The following CLPB variants were observed in gnomAD, a reference collection of about 807,000 sequenced individuals.
CLPB encodes mitochondrial disaggregase.
In CLPB, 40 loss-of-function variants were observed where a neutral mutation model predicts 78.4. That is an observed-to-expected ratio of 0.51 (90% CI 0.40 to 0.66). The LOEUF is 0.66. CLPB is among the 30% of genes least tolerant of loss of function. CLPB has a pLI of 0.00. For missense variants in CLPB, 780 were observed against 886.9 expected, an observed-to-expected ratio of 0.88 and a Z score of 1.53; for synonymous variants, 333 against 348.0, an observed-to-expected ratio of 0.96 and a Z score of 0.48.
At chr11:72,397,112 C>T (rs367858231) in intron 3 of CLPB, among the ~76,000 whole-genome samples, 7 of 152,204 alleles carry the variant, frequency 4.6e-5, no homozygotes, top group Non-Finnish European at 8.8e-5. Context: ...CTGATTTCTG[C>T]CCCTAAAGTT....
At chr11:72,416,305 T>C (rs1856019702) in intron 2 of CLPB, among the ~76,000 whole-genome samples, 1 of 152,210 alleles carries the variant, frequency 6.6e-6, no homozygotes, top group South Asian at 2.1e-4. Context: ...TGTGAAGCCC[T>C]AACTTTTCAC....
At chr11:72,402,215 C>T (rs552840180) in intron 3 of CLPB, among the ~76,000 whole-genome samples, 4 of 152,236 alleles carry the variant, frequency 2.6e-5, no homozygotes, top group Admixed American at 6.5e-5. Flanking sequence ...AGCCATAGAT[C>T]GTACCACTGC....
chr11:72,295,483 C>T lies in CLPB; in HGVS notation c.1486+9G>A. On this transcript the variant is annotated intron_variant, in intron 12 of 15. Coordinates refer to ENST00000538039, the MANE Select transcript of CLPB (RefSeq NM_001258392.3). ...CACTGGACCAGACTGCTCAGGTCAG[C>T]CGCCATACCCAGGTTTTCGGCAATA... is the stretch of plus-strand genomic sequence containing the variant. 3.7e-6 allele frequency: 6 copies of T among 1,613,202 alleles called. No homozygotes were observed. Among genetic ancestry groups the T allele is most frequent in the Non-Finnish European group, 5.1e-6 (6 of 1,179,344 alleles).
intron 3 of CLPB, among the ~76,000 whole-genome samples, chr11:72,392,854 G>A (rs1348393553): frequency 2.0e-5 from 3 of 152,168 alleles, no homozygotes; most frequent in African/African-American, 7.2e-5. Flanking sequence ...CCTAAACCAC[G>A]TTGGCTCTCA....
intron 6 of CLPB, among the ~76,000 whole-genome samples, chr11:72,320,663 C>G (rs1950027842): frequency 6.6e-6 from 1 of 152,164 alleles, no homozygotes; most frequent in South Asian, 2.1e-4. Flanking sequence ...ATGCTTAGCA[C>G]AGAGTTTGTG....
At chr11:72,322,830 T>A (rs769031553) in intron 6 of CLPB, among the ~76,000 whole-genome samples, 10 of 152,202 alleles carry the variant, frequency 6.6e-5, no homozygotes, top group Non-Finnish European at 1.0e-4. Flanking sequence ...CTGTTACTCC[T>A]CAAACTTCAA....
intron 2 of CLPB, among the ~76,000 whole-genome samples, chr11:72,416,053 G>A (rs1856012953): frequency 6.6e-6 from 1 of 152,204 alleles, no homozygotes; most frequent in Non-Finnish European, 1.5e-5. Context: ...ACAGAGCTGG[G>A]ACCAAGTGAG....
chr11:72,308,460 G>T, intron 8 of CLPB, 67 bp downstream of exon 8: 1 of 1,410,164 alleles, frequency 7.1e-7, no homozygotes, highest in Non-Finnish European at 1.0e-6. Flanking sequence ...AGCAGCTGGG[G>T]CTGTCAGACT....
intron 6 of CLPB, among the ~76,000 whole-genome samples, 159 bp downstream of exon 6, chr11:72,329,548 T>C (rs1950185282): frequency 6.6e-6 from 1 of 152,190 alleles, no homozygotes; most frequent in Non-Finnish European, 1.5e-5. Flanking sequence ...AAACAGATAA[T>C]AATCAACAGA....
chr11:72,348,510 A>G (rs1229985448), intron 5 of CLPB, among the ~76,000 whole-genome samples: 1 of 152,070 alleles, frequency 6.6e-6, no homozygotes, highest in African/African-American at 2.4e-5. Context: ...CCTCACCTGA[A>G]AAGCTTCCTT....
intron 4 of CLPB, among the ~76,000 whole-genome samples, chr11:72,371,616 A>G (rs1165383932): frequency 6.6e-6 from 1 of 151,574 alleles, no homozygotes; most frequent in East Asian, 1.9e-4. Context: ...GGGGTCTCAC[A>G]ATGTTGCCCA....
rs1463602370 is a variant in CLPB at position 72,292,944 on chromosome 11, A to G, written c.*423T>C. 5.9e-6 allele frequency: 1 copy of G among 169,732 alleles called. No homozygotes were observed. The highest frequency in any genetic ancestry group is 1.3e-5 in the Non-Finnish European group (1 of 77,318). 10.5% of individuals were successfully genotyped at this position (169,732 alleles called of 1,614,324 possible). A position where few individuals can be genotyped will look rare whatever the true frequency, so the allele number is the denominator to read the frequency against. ...ATTCTGGGGACTGAGTTGCATGAGG[A>G]CTAGCAGAGGGTGGCAGTTCAGTCT... On this transcript the variant is annotated 3_prime_UTR_variant, in exon 16 of 16. Transcript: ENST00000538039.
chr11:72,425,551 T>C (rs1278117841), intron 2 of CLPB, among the ~76,000 whole-genome samples: 1 of 152,204 alleles, frequency 6.6e-6, no homozygotes. Context: ...GGACTGTTTC[T>C]CCTTCCTCAT....
At chr11:72,355,345 G>A (rs566595646) in intron 5 of CLPB, 10 of 152,294 alleles carry the variant, frequency 6.6e-5, no homozygotes, top group South Asian at 6.2e-4. Flanking sequence ...TGGGAATATC[G>A]TAGGTAAAGA....
intron 5 of CLPB, among the ~76,000 whole-genome samples, chr11:72,333,477 C>G (rs1262040555): frequency 6.6e-6 from 1 of 152,250 alleles, no homozygotes; most frequent in Non-Finnish European, 1.5e-5. Flanking sequence ...ACCTTGGCCA[C>G]TCTCTCCTTT....
intron 3 of CLPB, among the ~76,000 whole-genome samples, chr11:72,384,144 C>T (rs1288523004): frequency 6.6e-6 from 1 of 152,102 alleles, no homozygotes; most frequent in Non-Finnish European, 1.5e-5. Context: ...CAGAATGAGA[C>T]CCTATCTCAA....
chr11:72,413,996 G>A (rs1425794796), intron 2 of CLPB, among the ~76,000 whole-genome samples: 1 of 152,122 alleles, frequency 6.6e-6, no homozygotes, highest in East Asian at 1.9e-4. Context: ...CTAGAGGAAG[G>A]TGCCATGAGA....
intron 4 of CLPB, among the ~76,000 whole-genome samples, chr11:72,363,729 G>A (rs1950886617): frequency 6.6e-6 from 1 of 152,158 alleles, no homozygotes; most frequent in African/African-American, 2.4e-5. Context: ...GCTGGTCGGT[G>A]GTAGGCTAGG....
intron 3 of CLPB, among the ~76,000 whole-genome samples, chr11:72,401,272 T>C (rs527354024): frequency 6.6e-6 from 1 of 152,172 alleles, no homozygotes; most frequent in South Asian, 2.1e-4. Flanking sequence ...ACCCCATCTC[T>C]ACTAAAAATA....
Sources: gnomAD v4.1 joint callset for allele counts (sites outside exome capture counted in the v4.1 genomes callset) on GRCh38, gnomAD v4.1.1 for gene constraint, MANE v1.5 for transcripts, NCBI Gene and HGNC (gene_info 2026-07-23, HGNC 2026-07-21) for gene names.